Variants in SGK1 observed in about 807,000 individuals in gnomAD.
The protein encoded by SGK1 is serine/threonine-protein kinase Sgk1.
A neutral mutation model predicts 64.2 loss-of-function variants in SGK1; 26 were observed. The ratio of observed to expected loss-of-function variants is 0.40; its 90% CI spans 0.30 to 0.56. SGK1 has a LOEUF of 0.56. SGK1 is among the 20% of genes least tolerant of loss of function. The pLI is 0.38. For missense variants in SGK1, 519 were observed against 645.6 expected (o/e 0.80, Z 2.12); for synonymous variants, 265 against 239.7 (o/e 1.11, Z -0.98).
intron 1 of SGK1, among the ~76,000 whole-genome samples, chr6:134,281,925 AT>A (rs1777100434): frequency 1.3e-5 from 2 of 152,344 alleles, no homozygotes; most frequent in South Asian, 4.1e-4. Flanking sequence ...TTGAGCCATG[AT>A]AGGCCCACTC....
intron 1 of SGK1, among the ~76,000 whole-genome samples, chr6:134,294,601 C>G (rs1452541560): frequency 2.6e-5 from 4 of 152,220 alleles, no homozygotes; most frequent in South Asian, 2.1e-4. Context: ...ATGGCATTAT[C>G]TCGGCTCACT....
intron 1 of SGK1, among the ~76,000 whole-genome samples, chr6:134,287,967 A>C (rs905074656): frequency 6.6e-6 from 1 of 152,218 alleles, no homozygotes; most frequent in South Asian, 2.1e-4. Flanking sequence ...TCTTACACAA[A>C]GATGCCATCT....
chr6:134,248,633 G>A lies in SGK1; in HGVS notation c.285+13300C>T, dbSNP rs188240528. ...CGCCCAGATAGTTTTTATATTTTTA[G>A]TAGAGACAGGGTTTCACCATGTTGG... On this transcript the variant is annotated intron_variant, in intron 2 of 13. Transcript: ENST00000367858. Among the ~76,000 whole-genome samples the A allele has an allele frequency of 1.3e-4, 19 of 151,926 alleles. No individual in the cohort carries two copies. In the East Asian group the frequency reaches 3.5e-3, roughly 28 times the overall value.
chr6:134,295,532 T>C (rs749172435), intron 1 of SGK1, among the ~76,000 whole-genome samples: 21 of 152,064 alleles, frequency 1.4e-4, no homozygotes, highest in Non-Finnish European at 2.8e-4. Flanking sequence ...GGCGAAACCT[T>C]GTCTCTACTA....
At chr6:134,271,326 A>AG (rs147039767) in intron 1 of SGK1, among the ~76,000 whole-genome samples, 16,673 of 131,100 alleles carry the variant, frequency 0.13, 2,399 homozygotes, top group African/African-American at 0.19. Context: ...AAAAAAAAAA[A>AG]TTGTGGGACT....
At chr6:134,185,561 TG>T (rs1290731362) in intron 3 of SGK1, among the ~76,000 whole-genome samples, 9 of 149,532 alleles carry the variant, frequency 6.0e-5, no homozygotes, top group African/African-American at 2.2e-4. Context: ...TATGAGTGTG[TG>T]TGTGTGTGTG....
intron 1 of SGK1, among the ~76,000 whole-genome samples, chr6:134,306,350 G>A (rs1777534848): frequency 1.3e-5 from 2 of 151,934 alleles, no homozygotes; most frequent in Non-Finnish European, 2.9e-5. Flanking sequence ...TTGAACCCGG[G>A]AGGCGGAGGT....
intron 2 of SGK1, among the ~76,000 whole-genome samples, chr6:134,217,377 C>A (rs1311151442): frequency 6.6e-6 from 1 of 152,142 alleles, no homozygotes; most frequent in South Asian, 2.1e-4. Context: ...CTGCAGAATG[C>A]GTGTGGGCCC....
At chr6:134,282,616 G>A (rs570002048) in intron 1 of SGK1, among the ~76,000 whole-genome samples, 1 of 151,008 alleles carries the variant, frequency 6.6e-6, no homozygotes, top group East Asian at 1.9e-4. Context: ...TCACACCACC[G>A]CACTCCAGCC....
chr6:134,291,863 C>T (rs545205005), intron 1 of SGK1, among the ~76,000 whole-genome samples: 7 of 152,224 alleles, frequency 4.6e-5, no homozygotes, highest in Admixed American at 4.6e-4. Flanking sequence ...GAGTTCGAGA[C>T]CAGCCTGACC....
chr6:134,220,350 T>C (rs1776070903), intron 2 of SGK1, among the ~76,000 whole-genome samples: 1 of 152,106 alleles, frequency 6.6e-6, no homozygotes, highest in East Asian at 1.9e-4. Flanking sequence ...AAACAGACTC[T>C]GAGGGAGGCC....
At chr6:134,172,981 G>C in intron 8 of SGK1, 42 bp downstream of exon 8, 2 of 1,586,558 alleles carry the variant, frequency 1.3e-6, no homozygotes, top group South Asian at 2.3e-5. Context: ...AAAGCAGGCT[G>C]TGCAGAGACA....
chr6:134,254,112 T>TC (rs1776645078), intron 2 of SGK1, among the ~76,000 whole-genome samples: 1 of 101,478 alleles, frequency 9.9e-6, no homozygotes, highest in African/African-American at 3.3e-5. Context: ...TCCTAGTCTC[T>TC]CCTTTTTTTT....
intron 3 of SGK1, among the ~76,000 whole-genome samples, chr6:134,204,253 TA>T (rs1775731725): frequency 2.7e-5 from 4 of 150,596 alleles, no homozygotes; most frequent in African/African-American, 4.9e-5. Flanking sequence ...AATAAATAAA[TA>T]AATAAATAAA....
intron 1 of SGK1, among the ~76,000 whole-genome samples, chr6:134,302,764 T>G (rs780662194): frequency 5.3e-5 from 8 of 152,054 alleles, no homozygotes; most frequent in Non-Finnish European, 8.8e-5. Flanking sequence ...ATTATTATTT[T>G]ATTATTTTGA....
In SGK1 at chr6:134,173,583, A is replaced by AG. The variant is rs1775107390; in HGVS notation, c.514-18dup. The AG allele has an allele frequency of 7.3e-6, 11 of 1,509,384 alleles. No homozygotes were observed. The highest frequency in any genetic ancestry group is 1.0e-5 in the Non-Finnish European group (11 of 1,104,624). 93.5% of individuals were successfully genotyped at this position (1,509,384 alleles called of 1,614,324 possible). A position where few individuals can be genotyped will look rare whatever the true frequency, so the allele number is the denominator to read the frequency against. On this transcript the variant is annotated splice_polypyrimidine_tract_variant and intron_variant, in intron 5 of 13. Transcript: ENST00000367858. ...AGGACTTGGCTAGAAAAAAAAAAAAAGAATTTCTTTTAATACCATTGCTTC... is the reference window on the plus strand; with the variant it reads ...AGGACTTGGCTAGAAAAAAAAAAAAAGGAATTTCTTTTAATACCATTGCTTC...
At chr6:134,187,660 C>T (rs1775445299) in intron 3 of SGK1, among the ~76,000 whole-genome samples, 1 of 152,188 alleles carries the variant, frequency 6.6e-6, no homozygotes, top group South Asian at 2.1e-4. Flanking sequence ...GAGCATGGGC[C>T]CATTGCTGCC....
intron 2 of SGK1, among the ~76,000 whole-genome samples, chr6:134,235,901 T>A (rs1353196645): frequency 6.6e-6 from 1 of 151,968 alleles, no homozygotes; most frequent in Non-Finnish European, 1.5e-5. Flanking sequence ...AGGAACAAGA[T>A]CAAGCATTAA....
chr6:134,204,916 TTTTC>T lies in SGK1; in HGVS notation c.361+2436_361+2439del, dbSNP rs541064319. Among the ~76,000 whole-genome samples, 22 of 152,046 alleles carry T rather than the reference TTTTC, an allele frequency of 1.4e-4. No individual in the cohort carries two copies. The East Asian group carries it at 3.7e-3, about 25-fold the overall frequency. ...GCAACATTTTCTTTTTCTTTCTTTCTTTTCTTTCTTCCTTCCTTCCTTCCCTCCC... is the reference window on the plus strand; with the variant it reads ...GCAACATTTTCTTTTTCTTTCTTTCTTTTCTTCCTTCCTTCCTTCCCTCCC... On this transcript the variant is annotated intron_variant, in intron 3 of 13. Coordinates refer to ENST00000367858, the MANE Select transcript of SGK1 (RefSeq NM_001143676.3).
Sources: gnomAD v4.1 joint callset for allele counts (sites outside exome capture counted in the v4.1 genomes callset) on GRCh38, gnomAD v4.1.1 for gene constraint, MANE v1.5 for transcripts, NCBI Gene and HGNC (gene_info 2026-07-23, HGNC 2026-07-21) for gene names.